Variants in DST observed in about 807,000 individuals in gnomAD.
DST encodes dystonin.
In DST, 253 loss-of-function variants were observed where a neutral mutation model predicts 875.2. That is an observed-to-expected ratio of 0.29 (90% CI 0.26 to 0.32). The LOEUF (loss-of-function observed/expected upper bound fraction) is 0.32, where lower values mean the gene tolerates loss of function less well. Ranked by LOEUF, DST falls within the 10% of genes least tolerant of loss-of-function variation. The pLI is 1.00. For missense variants in DST, 8,287 were observed against 9,111.6 expected (o/e 0.91, Z 3.68); for synonymous variants, 3,124 against 3,197.1 (o/e 0.98, Z 0.77).
chr6:56,716,343 G>C (rs572524438), intron 5 of DST, among the ~76,000 whole-genome samples: 1 of 152,272 alleles, frequency 6.6e-6, no homozygotes, highest in Non-Finnish European at 1.5e-5. Flanking sequence ...CTGGGAAACT[G>C]AATATCCTTA....
chr6:56,511,351 T>C lies in DST; in HGVS notation c.18626A>G (p.Asn6209Ser), dbSNP rs1188645705. 2 of 1,608,408 alleles carry C rather than the reference T, an allele frequency of 1.2e-6. No individual in the cohort carries two copies. The highest frequency in any genetic ancestry group is 4.5e-5 in the East Asian group (2 of 44,744). ...TTCCAGTAACTGTGGCCCAGTTTTG[T>C]TCATCTTATCTATATGAGGCTTGTG... is the stretch of plus-strand genomic sequence containing the variant. ...AEHKPHIDKM[N>S]KTGPQLLELS... The change falls in exon 73 of 104, where the codon AAC becomes AGC. Residue 6209 changes from asparagine to serine, a missense_variant. By Grantham distance (46) the Asn-to-Ser change is conservative. Transcript: ENST00000680361.
intron 60 of DST, among the ~76,000 whole-genome samples, chr6:56,554,439 C>T (rs1294632430): frequency 6.6e-6 from 1 of 152,122 alleles, no homozygotes; most frequent in Non-Finnish European, 1.5e-5. Flanking sequence ...ATAAAAACTA[C>T]ATGAGTTTGT....
chr6:56,908,096 T>G (rs893114885), intron 2 of DST, among the ~76,000 whole-genome samples: 1 of 143,632 alleles, frequency 7.0e-6, no homozygotes, highest in Non-Finnish European at 1.5e-5. Context: ...CATATATATA[T>G]ATACACACAC....
chr6:56,582,631 C>T (rs570461285), intron 49 of DST, among the ~76,000 whole-genome samples: 13 of 150,962 alleles, frequency 8.6e-5, no homozygotes, highest in East Asian at 1.9e-4. Flanking sequence ...TTTTAGGGTA[C>T]GTGTGCACAA....
chr6:56,513,697 C>G (rs1426144262), intron 72 of DST, among the ~76,000 whole-genome samples: 2 of 152,150 alleles, frequency 1.3e-5, no homozygotes, highest in Non-Finnish European at 2.9e-5. Context: ...TTAAACCATT[C>G]CATGACAGGC....
At chr6:56,852,355 A>G (rs1765693185) in intron 3 of DST, among the ~76,000 whole-genome samples, 1 of 152,248 alleles carries the variant, frequency 6.6e-6, no homozygotes, top group Admixed American at 6.5e-5. Context: ...AACAGCTGCC[A>G]ATAATGTAAA....
At chr6:56,569,712 T>C (rs529411763) in intron 54 of DST, 144 bp downstream of exon 54, 3 of 568,290 alleles carry the variant, frequency 5.3e-6, no homozygotes, top group Non-Finnish European at 8.3e-6. Context: ...CCCCATGCCA[T>C]GATTTCCAAA....
intron 4 of DST, among the ~76,000 whole-genome samples, chr6:56,785,475 A>T (rs2099703332): frequency 6.6e-6 from 1 of 152,108 alleles, no homozygotes; most frequent in Non-Finnish European, 1.5e-5. Context: ...CTGCTGTGCT[A>T]GCAATCAGTG....
At chr6:56,711,829 C>T (rs1589037847) in intron 5 of DST, among the ~76,000 whole-genome samples, 1 of 151,884 alleles carries the variant, frequency 6.6e-6, no homozygotes, top group Non-Finnish European at 1.5e-5. Flanking sequence ...CGGTGGCTCA[C>T]GCCTGTAATC....
At chr6:56,819,773 T>C (rs1469373699) in intron 4 of DST, among the ~76,000 whole-genome samples, 1 of 152,214 alleles carries the variant, frequency 6.6e-6, no homozygotes, top group Admixed American at 6.5e-5. Context: ...AAATGGACAC[T>C]GTCCTTGCCT....
In DST at chr6:56,552,603, G is replaced by C; in HGVS notation, c.16189C>G (p.Gln5397Glu). 1 of 1,613,918 alleles carries C rather than the reference G, an allele frequency of 6.2e-7. No individual in the cohort carries two copies. Among genetic ancestry groups the C allele is most frequent in the Non-Finnish European group, 8.5e-7 (1 of 1,179,876 alleles). The change falls in exon 61 of 104, where the codon CAG becomes GAG. Residue 5397 changes from glutamine (Q) to glutamate (E), a missense_variant. Around this residue, in one of 10 missense-constraint regions of DST, gnomAD observed 1,513 missense variants for 1,677.8 expected, o/e 0.90. Transcript: ENST00000680361. Reference protein sequence around the residue: ...FQNTIREMFSQFAEFDDELDS... With the variant: ...FQNTIREMFSEFAEFDDELDS... ...AGTTCATCATCAAACTCTGCGAACT[G>C]AGAAAACATTTCTCGAATGGTATTC...
At chr6:56,721,591 C>T (rs902188340) in intron 5 of DST, among the ~76,000 whole-genome samples, 2 of 152,160 alleles carry the variant, frequency 1.3e-5, no homozygotes, top group African/African-American at 2.4e-5. Flanking sequence ...CCCTGACTTC[C>T]GGCAACAGAG....
rs2099387608 is a variant in DST, at chr6:56,714,301, G to C, written c.688-9932C>G. 6.6e-6 allele frequency among the ~76,000 whole-genome samples: 1 copy of C among 152,126 alleles called. No homozygotes were observed. The highest frequency in any genetic ancestry group is 1.5e-5 in the Non-Finnish European group (1 of 68,014). On this transcript the variant is annotated intron_variant, in intron 5 of 103. Coordinates refer to ENST00000680361, the MANE Select transcript of DST (RefSeq NM_001374736.1). The surrounding 1 kb of genome is among the most constrained non-coding windows in gnomAD (Gnocchi z 4.5). ...ATACACTCCTGTTAAATTAATCTCT[G>C]CAACAGAAATATACTTTCTGTAGGA...
chr6:56,616,623 A>C, intron 36 of DST: 3 of 1,614,206 alleles, frequency 1.9e-6, no homozygotes, highest in Non-Finnish European at 2.5e-6. Flanking sequence ...GGCTCATGTA[A>C]AAACTGTAAG....
intron 24 of DST, 32 bp downstream of exon 24, chr6:56,635,557 A>G (rs902945608): frequency 7.5e-6 from 12 of 1,607,836 alleles, no homozygotes; most frequent in Non-Finnish European, 8.5e-6. Flanking sequence ...ACTTATGCAT[A>G]CTTATAAAAT....
intron 10 of DST, among the ~76,000 whole-genome samples, chr6:56,663,582 GT>G (rs2099056077): frequency 6.6e-6 from 1 of 152,230 alleles, no homozygotes; most frequent in African/African-American, 2.4e-5. Context: ...GTCCAATCCA[GT>G]TTAGCTTCTA....
intron 3 of DST, among the ~76,000 whole-genome samples, chr6:56,889,562 C>A (rs59744924): frequency 0.018 from 2,667 of 152,248 alleles, 82 homozygotes; most frequent in African/African-American, 0.06. Context: ...TTTAATTATA[C>A]TTTTTCAGCT....
In DST at chr6:56,594,484, C is replaced by G. The variant is rs114495928; in HGVS notation, c.12196-291G>C. On this transcript the variant is annotated intron_variant, in intron 47 of 103. Transcript: ENST00000680361. ...AAGTTTAGAAAAACCAATTTCTATT[C>G]CAATTTTAAAATAAGTGTCTATAAT... Among the ~76,000 whole-genome samples, 2,716 of 152,248 alleles carry G rather than the reference C, an allele frequency of 0.018. 16 individuals carry two copies. The highest frequency in any genetic ancestry group is 0.029 in the Non-Finnish European group (1,977 of 68,010).
At chr6:56,622,042 G>A (rs775570800) in intron 36 of DST, among the ~76,000 whole-genome samples, 3 of 152,096 alleles carry the variant, frequency 2.0e-5, no homozygotes, top group Non-Finnish European at 4.4e-5. Context: ...TTTAGTATCA[G>A]GGTCAATCCT....
Sources: allele counts gnomAD v4.1 joint callset (sites outside exome capture counted in the v4.1 genomes callset), GRCh38; gene constraint gnomAD v4.1.1; regional missense constraint gnomAD v4.1.1; non-coding constraint Gnocchi (gnomAD v3.1); transcripts MANE v1.5; gene names NCBI Gene and HGNC (gene_info 2026-07-23, HGNC 2026-07-21).